The following IGFBP7 variants were observed in gnomAD, a reference collection of about 807,000 sequenced individuals.
The protein encoded by IGFBP7 is insulin like growth factor binding protein 7, also known as insulin-like growth factor-binding protein 7.
Under a neutral mutation model 29.4 loss-of-function variants are expected in IGFBP7, and 31 were observed. The observed-to-expected ratio is 1.05, with a 90% confidence interval of 0.79 to 1.42. IGFBP7 has a LOEUF of 1.42. Ranked by LOEUF, IGFBP7 falls within the 40% of genes most tolerant of loss-of-function variation. The probability of loss-of-function intolerance (pLI) is 0.00; values close to 1 mark genes in which losing one functional copy is unlikely to be tolerated. For missense variants in IGFBP7, 393 were observed against 395.5 expected, an observed-to-expected ratio of 0.99 and a Z score of 0.05; for synonymous variants, 172 against 174.9, an observed-to-expected ratio of 0.98 and a Z score of 0.13.
intron 1 of IGFBP7, among the ~76,000 whole-genome samples, chr4:57,109,261 C>T (rs1726110741): frequency 6.6e-6 from 1 of 151,750 alleles, no homozygotes; most frequent in Admixed American, 6.6e-5. Context: ...CGCTATAAAA[C>T]AAAACAAAAC....
chr4:57,054,353 C>G (rs1205840660), intron 1 of IGFBP7, among the ~76,000 whole-genome samples: 2 of 152,080 alleles, frequency 1.3e-5, no homozygotes, highest in South Asian at 4.1e-4. Flanking sequence ...ATGTGCTTGG[C>G]TGGGCACGGG....
intron 2 of IGFBP7, 71 bp from the exon 3 acceptor site, chr4:57,033,382 C>G: frequency 1.1e-6 from 1 of 946,940 alleles, no homozygotes; most frequent in Non-Finnish European, 1.8e-6. Context: ...GGCCACATCC[C>G]TACAATTGCA....
chr4:57,098,882 A>C (rs917095770), intron 1 of IGFBP7, among the ~76,000 whole-genome samples: 18 of 152,302 alleles, frequency 1.2e-4, no homozygotes, highest in Middle Eastern at 3.4e-3. Context: ...AAAGTTCTGA[A>C]AGCTCCCATG....
At chr4:57,092,590 G>GC (rs1316014562) in intron 1 of IGFBP7, among the ~76,000 whole-genome samples, 1 of 151,698 alleles carries the variant, frequency 6.6e-6, no homozygotes, top group African/African-American at 2.4e-5. Flanking sequence ...TTGGGCTTTT[G>GC]TTTTTAGGAG....
chr4:57,090,198 A>G (rs1395486573), intron 1 of IGFBP7, among the ~76,000 whole-genome samples: 4 of 152,068 alleles, frequency 2.6e-5, no homozygotes, highest in African/African-American at 7.2e-5. Context: ...AAATCCCACC[A>G]TCTCCTTATA....
intron 1 of IGFBP7, among the ~76,000 whole-genome samples, chr4:57,100,893 C>G (rs1725882461): frequency 6.6e-6 from 1 of 152,206 alleles, no homozygotes; most frequent in African/African-American, 2.4e-5. Context: ...TGATGTCTGA[C>G]CTGCAGTGTC....
At chr4:57,060,875 C>T (rs1421678905) in intron 1 of IGFBP7, among the ~76,000 whole-genome samples, 3 of 151,738 alleles carry the variant, frequency 2.0e-5, no homozygotes, top group South Asian at 2.1e-4. Context: ...GCTATGATTG[C>T]GCCACTGCTC....
At chr4:57,052,905 A>G (rs1405753186) in intron 1 of IGFBP7, among the ~76,000 whole-genome samples, 1 of 152,150 alleles carries the variant, frequency 6.6e-6, no homozygotes, top group African/African-American at 2.4e-5. Flanking sequence ...GTGATATCTC[A>G]CAATTATCAC....
chr4:57,034,230 T>C (rs919097820), intron 2 of IGFBP7, among the ~76,000 whole-genome samples: 5 of 152,172 alleles, frequency 3.3e-5, no homozygotes, highest in African/African-American at 1.2e-4. Flanking sequence ...CAAAATGTTT[T>C]ATTATATAAA....
chr4:57,081,198 C>T (rs1004965265), intron 1 of IGFBP7, among the ~76,000 whole-genome samples: 1 of 152,136 alleles, frequency 6.6e-6, no homozygotes, highest in Non-Finnish European at 1.5e-5. Flanking sequence ...TCTAATGATC[C>T]TAATGTTAGT....
chr4:57,041,845 C>T (rs549101017), intron 1 of IGFBP7, among the ~76,000 whole-genome samples: 66 of 152,156 alleles, frequency 4.3e-4, no homozygotes, highest in Non-Finnish European at 7.5e-4. Context: ...GGCCAGGAGG[C>T]ACCTTTGAAC....
chr4:57,105,376 T>A (rs1374431117), intron 1 of IGFBP7, among the ~76,000 whole-genome samples: 1 of 152,244 alleles, frequency 6.6e-6, no homozygotes, highest in African/African-American at 2.4e-5. Context: ...CATTCATTGA[T>A]TCATGCATTA....
In IGFBP7 at chr4:57,052,952, G is replaced by T. The variant is rs1724545985; in HGVS notation, c.476-12019C>A. Reference sequence around the variant, plus strand: ...ATTGACCACAGAACATGCACAGAAAGTTGCTTCTTGCAATGTGTTGGTTGC... The same window carrying T: ...ATTGACCACAGAACATGCACAGAAATTTGCTTCTTGCAATGTGTTGGTTGC... On this transcript the variant is annotated intron_variant, in intron 1 of 4. Transcript: ENST00000295666. 2.0e-5 allele frequency among the ~76,000 whole-genome samples: 3 copies of T among 151,742 alleles called. No homozygotes were observed. In the South Asian group the frequency reaches 6.2e-4, roughly 32 times the overall value.
At position 57,070,397 on chromosome 4, in the gene IGFBP7, C is replaced by T. The variant is rs558056101; in HGVS notation, c.476-29464G>A. ...ACAACTAAACAAAAAATTTGATTGT[C>T]TTATTATGTTAACACAGATTCAGTT... On this transcript the variant is annotated intron_variant, in intron 1 of 4. Coordinates refer to ENST00000295666, the MANE Select transcript of IGFBP7 (RefSeq NM_001553.3). Among the ~76,000 whole-genome samples the T allele has an allele frequency of 2.0e-5, 3 of 152,348 alleles. No individual in the cohort carries two copies. In the East Asian group the frequency reaches 5.8e-4, roughly 29 times the overall value.
intron 1 of IGFBP7, among the ~76,000 whole-genome samples, chr4:57,043,468 T>TAA (rs761556207): frequency 6.6e-6 from 1 of 152,186 alleles, no homozygotes; most frequent in African/African-American, 2.4e-5. Context: ...TCAAAGGACA[T>TAA]AAAGTCTCCC....
chr4:57,039,640 ACTCTTTTTTTT>A (rs1173282113), intron 2 of IGFBP7, among the ~76,000 whole-genome samples: 1 of 113,012 alleles, frequency 8.8e-6, no homozygotes, highest in Non-Finnish European at 1.8e-5. Flanking sequence ...AGGAATTCAC[ACTCTTTTTTTT>A]TTTTTTTTTT....
intron 1 of IGFBP7, among the ~76,000 whole-genome samples, chr4:57,082,890 A>T (rs572651639): frequency 6.6e-6 from 1 of 152,252 alleles, no homozygotes; most frequent in Admixed American, 6.5e-5. Context: ...AAGCTTCCTG[A>T]GTAGCTGGGT....
intron 1 of IGFBP7, among the ~76,000 whole-genome samples, chr4:57,046,413 A>T (rs758874872): frequency 1.3e-4 from 20 of 152,176 alleles, no homozygotes; most frequent in Non-Finnish European, 2.6e-4. Flanking sequence ...TCTTCCAAGA[A>T]GGGCAAGGCA....
intron 1 of IGFBP7, among the ~76,000 whole-genome samples, chr4:57,108,004 A>C (rs1726077744): frequency 6.6e-6 from 1 of 152,230 alleles, no homozygotes; most frequent in African/African-American, 2.4e-5. Context: ...TTTTGAAAAA[A>C]CTATAAAGTT....
Sources: gnomAD v4.1 joint callset for allele counts (sites outside exome capture counted in the v4.1 genomes callset) on GRCh38, gnomAD v4.1.1 for gene constraint, MANE v1.5 for transcripts, NCBI Gene and HGNC (gene_info 2026-07-23, HGNC 2026-07-21) for gene names.